The following MEIS1 variants were observed in gnomAD, a reference collection of about 807,000 sequenced individuals.
The protein encoded by MEIS1 is homeobox protein Meis1.
A neutral mutation model predicts 50.8 loss-of-function variants in MEIS1; 5 were observed. The ratio of observed to expected loss-of-function variants is 0.10; its 90% CI spans 0.05 to 0.21. The LOEUF is 0.21. Ranked by LOEUF, MEIS1 falls within the 10% of genes least tolerant of loss-of-function variation. MEIS1 has a pLI of 1.00. For missense variants in MEIS1, 318 were observed against 517.3 expected (o/e 0.61, Z 3.74); for synonymous variants, 176 against 179.3 (o/e 0.98, Z 0.15).
intron 8 of MEIS1, among the ~76,000 whole-genome samples, chr2:66,538,874 A>G (rs1006689399): frequency 1.6e-4 from 24 of 151,918 alleles, no homozygotes; most frequent in African/African-American, 5.3e-4. Context: ...GATCCTTAAA[A>G]GAGTTTTTTT....
chr2:66,534,517 G>C (rs1469404447), intron 8 of MEIS1, among the ~76,000 whole-genome samples: 1 of 151,464 alleles, frequency 6.6e-6, no homozygotes, highest in African/African-American at 2.4e-5. Context: ...CTGGGCAACA[G>C]AGTGAGACTC....
chr2:66,531,287 G>A (rs1674383816), intron 8 of MEIS1, among the ~76,000 whole-genome samples: 1 of 152,124 alleles, frequency 6.6e-6, no homozygotes, highest in Non-Finnish European at 1.5e-5. Flanking sequence ...GAAATAAAAT[G>A]GTACCCTACA....
At chr2:66,520,993 T>A (rs929300151) in intron 8 of MEIS1, among the ~76,000 whole-genome samples, 3 of 152,202 alleles carry the variant, frequency 2.0e-5, no homozygotes, top group African/African-American at 7.2e-5. Context: ...TTAGTATTTT[T>A]AAAAAATAAA....
chr2:66,501,461 A>AT (rs1572859005), intron 7 of MEIS1, among the ~76,000 whole-genome samples: 1 of 152,070 alleles, frequency 6.6e-6, no homozygotes, highest in African/African-American at 2.4e-5. Flanking sequence ...GTAAAAAAAA[A>AT]ATGCTGAATA....
intron 5 of MEIS1, chr2:66,442,671 T>A: frequency 2.1e-6 from 1 of 473,476 alleles, no homozygotes; most frequent in Non-Finnish European, 3.6e-6. Flanking sequence ...GTTGAATATG[T>A]TGTAGCCTGT....
At chr2:66,436,112 T>A (rs1056646432) in intron 1 of MEIS1, among the ~76,000 whole-genome samples, 1 of 152,114 alleles carries the variant, frequency 6.6e-6, no homozygotes, top group African/African-American at 2.4e-5. Flanking sequence ...TAAATAAAAA[T>A]GCAAGCTCAA....
chr2:66,513,854 G>A (rs73937939), intron 8 of MEIS1, among the ~76,000 whole-genome samples: 15,394 of 152,180 alleles, frequency 0.1, 955 homozygotes, highest in African/African-American at 0.17. Context: ...ATTCCCCACT[G>A]AGGATTATCA....
intron 12 of MEIS1, chr2:66,570,289 T>A (rs1484891040): frequency 2.6e-5 from 4 of 152,206 alleles, no homozygotes; most frequent in Non-Finnish European, 4.4e-5. Context: ...TGTTTCTTAG[T>A]TTCTGGGTCA....
intron 8 of MEIS1, among the ~76,000 whole-genome samples, chr2:66,534,797 T>G (rs1674480036): frequency 6.6e-6 from 1 of 152,194 alleles, no homozygotes; most frequent in South Asian, 2.1e-4. Flanking sequence ...ATCTAGTTGT[T>G]TCAAAGAGGA....
chr2:66,480,005 C>T (rs758752447), intron 7 of MEIS1, among the ~76,000 whole-genome samples: 6 of 152,088 alleles, frequency 3.9e-5, no homozygotes, highest in African/African-American at 9.7e-5. Context: ...TGTGCATAAA[C>T]GGTGGCCTAG....
chr2:66,456,463 G>A (rs1016564891), intron 6 of MEIS1, among the ~76,000 whole-genome samples: 11 of 152,200 alleles, frequency 7.2e-5, no homozygotes, highest in Non-Finnish European at 1.5e-4. Flanking sequence ...ATATGACAGG[G>A]CTGGAACTGT....
intron 7 of MEIS1, among the ~76,000 whole-genome samples, chr2:66,480,981 G>A (rs945690921): frequency 1.3e-5 from 2 of 151,794 alleles, no homozygotes; most frequent in African/African-American, 4.8e-5. Flanking sequence ...CAGAAAGACT[G>A]TAGCCTAGAA....
intron 7 of MEIS1, among the ~76,000 whole-genome samples, chr2:66,468,538 G>A (rs953223305): frequency 6.6e-6 from 1 of 152,224 alleles, no homozygotes; most frequent in African/African-American, 2.4e-5. Flanking sequence ...GAGGCTCAGA[G>A]CGATAAGGAG....
intron 6 of MEIS1, among the ~76,000 whole-genome samples, chr2:66,443,927 C>T (rs984735880): frequency 6.6e-6 from 1 of 152,116 alleles, no homozygotes; most frequent in African/African-American, 2.4e-5. Flanking sequence ...TAAGTGGGGA[C>T]GACTTTTATT....
chr2:66,570,984 T>C, intron 12 of MEIS1: 1 of 402,070 alleles, frequency 2.5e-6, no homozygotes. Context: ...CAAATAACAA[T>C]TTTATTCTTT....
At chr2:66,544,848 A>G (rs1217908839) in intron 8 of MEIS1, among the ~76,000 whole-genome samples, 1 of 152,182 alleles carries the variant, frequency 6.6e-6, no homozygotes, top group East Asian at 1.9e-4. Context: ...ATCAGAAACT[A>G]TATGATGTGA....
At chr2:66,569,201 G>C in intron 12 of MEIS1, 56 bp downstream of exon 12, 1 of 1,450,942 alleles carries the variant, frequency 6.9e-7, no homozygotes, top group Non-Finnish European at 9.5e-7. Flanking sequence ...TTTTCCTCTT[G>C]CATTTTCTTA....
chr2:66,454,500 C>G (rs1044466971), intron 6 of MEIS1, among the ~76,000 whole-genome samples: 5 of 151,946 alleles, frequency 3.3e-5, no homozygotes, highest in Admixed American at 1.3e-4. Flanking sequence ...ACTTTTTCCC[C>G]ACATTTCTGA....
At chr2:66,490,503 G>C (rs1240986388) in intron 7 of MEIS1, among the ~76,000 whole-genome samples, 8 of 152,158 alleles carry the variant, frequency 5.3e-5, no homozygotes, top group African/African-American at 1.9e-4. Context: ...TAACTTGACT[G>C]TTTGGGGACA....
Sources: allele counts gnomAD v4.1 joint callset (sites outside exome capture counted in the v4.1 genomes callset), GRCh38; gene constraint gnomAD v4.1.1; transcripts MANE v1.5; gene names NCBI Gene and HGNC (gene_info 2026-07-23, HGNC 2026-07-21).